MYOM2: variants seen among roughly 807,000 people sequenced by gnomAD.
MYOM2 encodes myomesin 2, also known as myomesin-2.
In MYOM2, 254 loss-of-function variants were observed where a neutral mutation model predicts 187.6. That is an observed-to-expected ratio of 1.35 (90% CI 1.22 to 1.50). MYOM2 has a LOEUF of 1.50. Ranked by LOEUF, MYOM2 falls within the 40% of genes most tolerant of loss-of-function variation. MYOM2 has a pLI of 0.00. For synonymous variants in MYOM2, 981 were observed against 753.8 expected (o/e 1.30, Z -4.94); for missense variants, 2,796 against 1,924.0 (o/e 1.45, Z -8.48).
In MYOM2 at chr8:2,096,358, A is replaced by G; in HGVS notation, c.2237A>G (p.Tyr746Cys). 1 of 1,614,144 alleles carries G rather than the reference A, an allele frequency of 6.2e-7. No individual in the cohort carries two copies. Among genetic ancestry groups the G allele is most frequent in the South Asian group, 1.1e-5 (1 of 91,084 alleles). Residue 746 changes from tyrosine (Y) to cysteine (C), a missense_variant, in exon 18 of 37, where the codon TAC (tyrosine) becomes TGC (cysteine). By Grantham distance (194) the Tyr-to-Cys change is radical. Transcript: ENST00000262113. Reference protein sequence around the residue: ...FSGGSPILGYYLDKREVHHKN... With the variant: ...FSGGSPILGYCLDKREVHHKN... ...GGTGGCTCGCCCATCCTGGGCTACT[A>G]CCTGGACAAGCGTGAAGTTCACCAT...
rs775732814 is a variant in MYOM2, at chr8:2,115,966, A to T, written c.3187A>T (p.Arg1063Ter). 1 of 1,608,322 alleles carries T rather than the reference A, an allele frequency of 6.2e-7. No homozygotes were observed. The highest frequency in any genetic ancestry group is 1.1e-5 in the South Asian group (1 of 89,126). The change falls in exon 26 of 37, where the codon AGA becomes TGA. Residue 1063 changes from arginine (R) to a stop codon, truncating the protein, a stop_gained. Transcript: ENST00000262113. LOFTEE classifies it high-confidence loss of function. Reference sequence around the variant, plus strand: ...TCCCTTGTTTTGCTTGCAGATACACAGAATTAAATGTGACAAAGCTACTGG... The same window carrying T: ...TCCCTTGTTTTGCTTGCAGATACACTGAATTAAATGTGACAAAGCTACTGG... ...DREVSDSEIH[R>*]IKCDKATGII...
intron 25 of MYOM2, among the ~76,000 whole-genome samples, chr8:2,110,282 T>C (rs941858293): frequency 1.6e-4 from 25 of 152,314 alleles, no homozygotes; most frequent in African/African-American, 5.5e-4. Flanking sequence ...ATGATTGAAC[T>C]ACTGCACTCT....
intron 23 of MYOM2, among the ~76,000 whole-genome samples, chr8:2,107,917 T>C: frequency 6.6e-6 from 1 of 152,238 alleles, no homozygotes; most frequent in Non-Finnish European, 1.5e-5. Flanking sequence ...CACCTTCTCT[T>C]ATATTGTGTA....
chr8:2,073,287 T>C, intron 9 of MYOM2, 52 bp from the exon 10 acceptor site: 1 of 1,566,110 alleles, frequency 6.4e-7, no homozygotes, highest in Non-Finnish European at 8.7e-7. Context: ...AGGCTTTCTT[T>C]GCCTGCTGGG....
At chr8:2,083,180 G>A (rs889146159) in intron 13 of MYOM2, among the ~76,000 whole-genome samples, 2 of 152,204 alleles carry the variant, frequency 1.3e-5, no homozygotes, top group African/African-American at 4.8e-5. Context: ...AAAAGCATGT[G>A]TGTTTATATA....
At chr8:2,047,235 T>C (rs1346451491) in intron 1 of MYOM2, among the ~76,000 whole-genome samples, 4 of 152,112 alleles carry the variant, frequency 2.6e-5, no homozygotes, top group Non-Finnish European at 5.9e-5. Context: ...CAGCACGTGC[T>C]GAGTCAGTGG....
intron 30 of MYOM2, 110 bp downstream of exon 30, chr8:2,123,752 G>C (rs1329755409): frequency 1.1e-6 from 1 of 879,384 alleles, no homozygotes; most frequent in Non-Finnish European, 1.8e-6. Context: ...CACACATTGT[G>C]TCTTTAGCAG....
intron 13 of MYOM2, among the ~76,000 whole-genome samples, chr8:2,083,672 C>T (rs1354527513): frequency 6.6e-6 from 1 of 152,210 alleles, no homozygotes; most frequent in Non-Finnish European, 1.5e-5. Flanking sequence ...CATGCCCACC[C>T]CTGTGCTTCC....
At chr8:2,141,823 T>C (rs1484705303) in intron 34 of MYOM2, among the ~76,000 whole-genome samples, 1 of 152,194 alleles carries the variant, frequency 6.6e-6, no homozygotes, top group East Asian at 1.9e-4. Context: ...GCGATGCTAG[T>C]CCAAGATGGC....
At chr8:2,089,347 T>C (rs757296870) in intron 14 of MYOM2, among the ~76,000 whole-genome samples, 1 of 151,692 alleles carries the variant, frequency 6.6e-6, no homozygotes, top group Non-Finnish European at 1.5e-5. Flanking sequence ...CCATATAAAA[T>C]AGCCACATTA....
rs1796254185 is a variant in MYOM2 at position 2,090,310 on chromosome 8, G to C, written c.1828+119G>C. The C allele has an allele frequency of 4.2e-6, 4 of 943,212 alleles. No homozygotes were observed. In the East Asian group the frequency reaches 1.1e-4, roughly 27 times the overall value. The allele number at this position is 943,212 out of a possible 1,614,324, so 58.4% of individuals were successfully genotyped here. Reference sequence around the variant, plus strand: ...TTATAAACGAGTTGAAGTTCAAGTGGACTTAAAACTTCACTTTACGAGAGA... The same window carrying C: ...TTATAAACGAGTTGAAGTTCAAGTGCACTTAAAACTTCACTTTACGAGAGA... On this transcript the variant is annotated intron_variant, in intron 15 of 36. Coordinates refer to ENST00000262113, the MANE Select transcript of MYOM2 (RefSeq NM_003970.4).
At chr8:2,136,962 C>A (rs1343841248) in intron 32 of MYOM2, among the ~76,000 whole-genome samples, 2 of 152,032 alleles carry the variant, frequency 1.3e-5, no homozygotes, top group African/African-American at 4.8e-5. Flanking sequence ...GTGGCTGATA[C>A]GGTGGAAACT....
At chr8:2,046,319 T>C (rs2129325368) in intron 1 of MYOM2, among the ~76,000 whole-genome samples, 1 of 152,326 alleles carries the variant, frequency 6.6e-6, no homozygotes, top group East Asian at 1.9e-4. Flanking sequence ...TCCCCTGCAC[T>C]GGAGGAGAGG....
chr8:2,057,747 C>A lies in MYOM2; in HGVS notation c.527C>A (p.Thr176Asn). 1 of 1,614,104 alleles carries A rather than the reference C, an allele frequency of 6.2e-7. No homozygotes were observed. The highest frequency in any genetic ancestry group is 8.5e-7 in the Non-Finnish European group (1 of 1,180,028). ...AGGATGTCTGTGAAACTCTGCTTCACCGTGCAAGGATTTCCCACGCCCGTG... is the reference window on the plus strand; with the variant it reads ...AGGATGTCTGTGAAACTCTGCTTCAACGTGCAAGGATTTCCCACGCCCGTG... ...WERMSVKLCFTVQGFPTPVVQ... is the reference protein window; with the variant it reads ...WERMSVKLCFNVQGFPTPVVQ... The change falls in exon 5 of 37, where the codon ACC becomes AAC. Residue 176 changes from threonine to asparagine, a missense_variant. Transcript: ENST00000262113.
At chr8:2,056,967 G>C (rs1542065) in intron 3 of MYOM2, among the ~76,000 whole-genome samples, 117,266 of 152,126 alleles carry the variant, frequency 0.77, 45,584 homozygotes, top group East Asian at 0.97. Flanking sequence ...CTCAGATTAA[G>C]TTCCCGACTC....
intron 11 of MYOM2, among the ~76,000 whole-genome samples, chr8:2,077,251 A>C (rs796992531): frequency 3.4e-4 from 52 of 152,244 alleles, no homozygotes; most frequent in African/African-American, 1.2e-3. Context: ...CGGTGGTTGC[A>C]GTGAGCCAAG....
Position 2,106,565 on chromosome 8 carries a change from G to A in MYOM2, c.2966G>A (p.Gly989Glu), listed in dbSNP as rs1585917596. 1.2e-6 allele frequency: 2 copies of A among 1,609,358 alleles called. No individual in the cohort carries two copies. The highest frequency in any genetic ancestry group is 1.3e-5 in the African/African-American group (1 of 74,984). Reference sequence around the variant, plus strand: ...TCCGTGTCTGTAAGTGATACAGACGGAGTGTCCTCCAGTTTTGTTCTGGAC... The same window carrying A: ...TCCGTGTCTGTAAGTGATACAGACGAAGTGTCCTCCAGTTTTGTTCTGGAC... ...TYSVSVSDTD[G>E]VSSSFVLDPE... The change falls in exon 23 of 37, where the codon GGA (glycine) becomes GAA (glutamate). Residue 989 changes from glycine (G) to glutamate (E), a missense_variant. Coordinates refer to ENST00000262113, the MANE Select transcript of MYOM2 (RefSeq NM_003970.4).
chr8:2,091,764 A>G (rs1170062642), intron 15 of MYOM2, among the ~76,000 whole-genome samples: 7 of 152,158 alleles, frequency 4.6e-5, no homozygotes, highest in Admixed American at 4.6e-4. Context: ...TATGACACAT[A>G]TGAAAAATGA....
chr8:2,050,963 A>ACCAGTGCCTCTCCAG, intron 2 of MYOM2, 90 bp downstream of exon 2: 2 of 1,033,124 alleles, frequency 1.9e-6, no homozygotes, highest in Non-Finnish European at 2.9e-6. Flanking sequence ...AGCCCTGGAG[A>ACCAGTGCCTCTCCAG]GGCACTGGTT....
Sources: allele counts gnomAD v4.1 joint callset (sites outside exome capture counted in the v4.1 genomes callset), GRCh38; gene constraint gnomAD v4.1.1; transcripts MANE v1.5; gene names NCBI Gene and HGNC (gene_info 2026-07-23, HGNC 2026-07-21).